The following KCNB2 variants were observed in gnomAD, a reference collection of about 807,000 sequenced individuals.
The protein encoded by KCNB2 is delayed rectifier potassium channel protein.
KCNB2 carries 15 observed loss-of-function variants against 61.5 expected under a neutral mutation model. The ratio of observed to expected loss-of-function variants is 0.24; its 90% confidence interval spans 0.16 to 0.38. The LOEUF (loss-of-function observed/expected upper bound fraction) is 0.38, where lower values mean the gene tolerates loss of function less well. KCNB2 is among the 10% of genes least tolerant of loss of function. The pLI is 1.00. For missense variants in KCNB2, 828 were observed against 1,125.2 expected (o/e 0.74, Z 3.78); for synonymous variants, 457 against 446.0 (o/e 1.02, Z -0.31).
intron 2 of KCNB2, among the ~76,000 whole-genome samples, chr8:72,738,104 G>A (rs1807881080): frequency 6.6e-6 from 1 of 152,088 alleles, no homozygotes; most frequent in Admixed American, 6.6e-5. Flanking sequence ...CTCAACTTGA[G>A]GGCCTCTCTG....
At chr8:72,761,582 A>G (rs1390715705) in intron 2 of KCNB2, among the ~76,000 whole-genome samples, 1 of 152,206 alleles carries the variant, frequency 6.6e-6, no homozygotes, top group African/African-American at 2.4e-5. Flanking sequence ...GGATTAATCA[A>G]AACTCTAGCC....
At chr8:72,689,626 A>G (rs1157894505) in intron 2 of KCNB2, among the ~76,000 whole-genome samples, 1 of 152,130 alleles carries the variant, frequency 6.6e-6, no homozygotes, top group Non-Finnish European at 1.5e-5. Flanking sequence ...CCTTTTCTGG[A>G]CATTTCCATA....
At chr8:72,738,706 A>G in intron 2 of KCNB2, among the ~76,000 whole-genome samples, 1 of 152,158 alleles carries the variant, frequency 6.6e-6, no homozygotes. Flanking sequence ...GTGGTGATTA[A>G]GATTAATTGG....
At chr8:72,868,954 T>G (rs1805575485) in intron 2 of KCNB2, among the ~76,000 whole-genome samples, 1 of 152,046 alleles carries the variant, frequency 6.6e-6, no homozygotes, top group Non-Finnish European at 1.5e-5. Context: ...TCCACCAAAG[T>G]CCTCATTTAT....
chr8:72,571,241 T>C (rs1806703750), intron 2 of KCNB2, among the ~76,000 whole-genome samples: 1 of 152,198 alleles, frequency 6.6e-6, no homozygotes, highest in South Asian at 2.1e-4. Flanking sequence ...CCCTATGATA[T>C]AAAAAATTAT....
At chr8:72,669,970 A>G (rs569267400) in intron 2 of KCNB2, among the ~76,000 whole-genome samples, 7 of 152,352 alleles carry the variant, frequency 4.6e-5, no homozygotes, top group South Asian at 4.1e-4. Context: ...CCTGCCAGGC[A>G]TGAGGAGAGC....
chr8:72,664,202 C>T (rs1460433222), intron 2 of KCNB2, among the ~76,000 whole-genome samples: 1 of 152,210 alleles, frequency 6.6e-6, no homozygotes, highest in African/African-American at 2.4e-5. Flanking sequence ...CAGCTCAGCT[C>T]CTGGCTCTTT....
intron 2 of KCNB2, among the ~76,000 whole-genome samples, chr8:72,822,214 G>A (rs1375594412): frequency 2.0e-5 from 3 of 152,162 alleles, no homozygotes; most frequent in African/African-American, 7.2e-5. Flanking sequence ...TGATATTTTT[G>A]CCTTTATGGT....
chr8:72,633,859 G>A (rs1805921140), intron 2 of KCNB2, among the ~76,000 whole-genome samples: 1 of 152,096 alleles, frequency 6.6e-6, no homozygotes. Flanking sequence ...AACGTACCCT[G>A]CTAGAGTTGG....
intron 2 of KCNB2, among the ~76,000 whole-genome samples, chr8:72,807,795 T>C (rs1809248825): frequency 6.6e-6 from 1 of 152,090 alleles, no homozygotes; most frequent in Non-Finnish European, 1.5e-5. Context: ...TAATAAATAA[T>C]AATAAATGAA....
chr8:72,722,456 C>CATAT (rs771697195), intron 2 of KCNB2, among the ~76,000 whole-genome samples: 126 of 152,212 alleles, frequency 8.3e-4, no homozygotes, highest in Non-Finnish European at 1.4e-3. Context: ...ATGTAGTGCT[C>CATAT]CCCTCTAGCC....
chr8:72,607,910 T>C (rs775268306), intron 2 of KCNB2, among the ~76,000 whole-genome samples: 4 of 152,170 alleles, frequency 2.6e-5, no homozygotes, highest in African/African-American at 4.8e-5. Flanking sequence ...GGTTAGTACA[T>C]AAAAATACAG....
At chr8:72,828,014 T>C (rs778850134) in intron 2 of KCNB2, among the ~76,000 whole-genome samples, 2 of 152,138 alleles carry the variant, frequency 1.3e-5, no homozygotes, top group Non-Finnish European at 2.9e-5. Flanking sequence ...GGTTTCACCA[T>C]GTTGGCCAGG....
intron 2 of KCNB2, among the ~76,000 whole-genome samples, chr8:72,911,588 A>G (rs1806294628): frequency 1.3e-5 from 2 of 152,236 alleles, no homozygotes. Flanking sequence ...TAAAAGGCCA[A>G]CACTGCCTTT....
chr8:72,731,539 T>C (rs1179534434), intron 2 of KCNB2, among the ~76,000 whole-genome samples: 1 of 152,200 alleles, frequency 6.6e-6, no homozygotes, highest in Non-Finnish European at 1.5e-5. Flanking sequence ...GTTACTAGTT[T>C]AGGAGCTGCT....
chr8:72,887,459 C>T (rs1298741579), intron 2 of KCNB2, among the ~76,000 whole-genome samples: 1 of 152,138 alleles, frequency 6.6e-6, no homozygotes, highest in Non-Finnish European at 1.5e-5. Flanking sequence ...TTGGATGGCC[C>T]AATTTCAGAT....
intron 2 of KCNB2, among the ~76,000 whole-genome samples, chr8:72,687,716 TG>T (rs1806873799): frequency 6.6e-6 from 1 of 152,210 alleles, no homozygotes; most frequent in Admixed American, 6.5e-5. Flanking sequence ...ATGCAAGTGA[TG>T]GTTCTACAGT....
intron 2 of KCNB2, among the ~76,000 whole-genome samples, chr8:72,762,663 G>A (rs1389001191): frequency 6.6e-6 from 1 of 152,060 alleles, no homozygotes; most frequent in Non-Finnish European, 1.5e-5. Flanking sequence ...AGGGATTTCA[G>A]AGGATTCAAT....
intron 2 of KCNB2, among the ~76,000 whole-genome samples, chr8:72,767,248 T>C (rs1808474854): frequency 6.6e-6 from 1 of 152,220 alleles, no homozygotes. Flanking sequence ...CTTTCTTTTT[T>C]TAATATCTTT....
Sources: allele counts gnomAD v4.1 joint callset (sites outside exome capture counted in the v4.1 genomes callset), GRCh38; gene constraint gnomAD v4.1.1; transcripts MANE v1.5; gene names NCBI Gene and HGNC (gene_info 2026-07-23, HGNC 2026-07-21).